The following TMC7 variants were observed in gnomAD, a reference collection of about 807,000 sequenced individuals.
The protein encoded by TMC7 is transmembrane channel like 7, also known as transmembrane channel-like protein 7.
TMC7 carries 54 observed loss-of-function variants against 82.9 expected under a neutral mutation model. The observed-to-expected ratio is 0.65, with a 90% CI of 0.52 to 0.82. The LOEUF is 0.82. Among genes scored for constraint, TMC7 ranks in the 40% least tolerant of loss-of-function variants. The probability of loss-of-function intolerance (pLI) is 0.00; values close to 1 mark genes in which losing one functional copy is unlikely to be tolerated. For synonymous variants in TMC7, 350 were observed against 337.9 expected, an observed-to-expected ratio of 1.04 and a Z score of -0.39; for missense variants, 820 against 901.2, an observed-to-expected ratio of 0.91 and a Z score of 1.15.
rs145708740 is a variant in TMC7, at chr16:19,050,096, G to A, written c.1741-1590G>A. Among the ~76,000 whole-genome samples, 4 of 152,116 alleles carry A rather than the reference G, an allele frequency of 2.6e-5. No homozygotes were observed. The East Asian group carries it at 7.8e-4, about 30-fold the overall frequency. On this transcript the variant is annotated intron_variant, in intron 12 of 15. Coordinates refer to ENST00000304381, the MANE Select transcript of TMC7 (RefSeq NM_024847.4). ...ACTTAAAAAAAACTTAAATGGCCGG[G>A]CCCGGTGGCTCATGCCTGTAATCCC...
At chr16:19,021,926 A>G in intron 4 of TMC7, 130 bp downstream of exon 4, 1 of 1,125,406 alleles carries the variant, frequency 8.9e-7, no homozygotes, top group Non-Finnish European at 1.2e-6. Context: ...GGTCTAGGTT[A>G]TGCTGCAGAA....
At position 19,009,199 on chromosome 16, in the gene TMC7, T is replaced by A; in HGVS notation, c.95T>A (p.Phe32Tyr). ...AACCTCTCTCTAGACTCCAGTTGCT[T>A]CTCTTCTCCACCTGTGAACTTCCTC... ...PENLSLDSSC[F>Y]SSPPVNFLQE... Residue 32 changes from phenylalanine to tyrosine, a missense_variant, in exon 2 of 16, where the codon TTC (phenylalanine) becomes TAC (tyrosine). Around this residue, in one of 2 missense-constraint regions of TMC7, gnomAD observed 650 missense variants for 669.9 expected, o/e 0.97. Coordinates refer to ENST00000304381, the MANE Select transcript of TMC7 (RefSeq NM_024847.4). 6.2e-7 allele frequency: 1 copy of A among 1,614,152 alleles called. No homozygotes were observed.
rs544446089 is a variant in TMC7, at chr16:19,010,521, G to C, written c.311+1106G>C. On this transcript the variant is annotated intron_variant, in intron 2 of 15. Coordinates refer to ENST00000304381, the MANE Select transcript of TMC7 (RefSeq NM_024847.4). ...GTGGGGGACTTTGCAGCCATTCAGG[G>C]ACCCAGGCTCTTTCCATCTTGTGGC... is the stretch of plus-strand genomic sequence containing the variant. Among the ~76,000 whole-genome samples, 5 of 152,242 alleles carry C rather than the reference G, an allele frequency of 3.3e-5. No homozygotes were observed. The East Asian group carries it at 7.7e-4, about 24-fold the overall frequency.
At chr16:19,003,469 C>T (rs1416878188) in intron 1 of TMC7, among the ~76,000 whole-genome samples, 1 of 150,542 alleles carries the variant, frequency 6.6e-6, no homozygotes, top group East Asian at 2.0e-4. Context: ...CGCCTCTGCC[C>T]GGCCGCCCCT....
In TMC7 at chr16:19,062,070, C is replaced by G. The variant is rs984866936; in HGVS notation, c.*227C>G. 1.5e-5 allele frequency: 6 copies of G among 402,616 alleles called. No homozygotes were observed. The highest frequency in any genetic ancestry group is 2.6e-5 in the Non-Finnish European group (6 of 227,744). 24.9% of individuals were successfully genotyped at this position (402,616 alleles called of 1,614,324 possible). On this transcript the variant is annotated 3_prime_UTR_variant, in exon 16 of 16. Coordinates refer to ENST00000304381, the MANE Select transcript of TMC7 (RefSeq NM_024847.4). ...CCCAAGGCTTTGCCTGCAGACCGGC[C>G]ACTCTGTGACAACTCTACCAAAAAC...
intron 1 of TMC7, among the ~76,000 whole-genome samples, chr16:18,997,665 G>A (rs1473443541): frequency 6.6e-6 from 1 of 151,198 alleles, no homozygotes; most frequent in Admixed American, 6.6e-5. Flanking sequence ...CCCAGCCACC[G>A]CACCCGGCCT....
chr16:18,989,866 A>C (rs1028712009), intron 1 of TMC7, among the ~76,000 whole-genome samples: 42 of 151,856 alleles, frequency 2.8e-4, no homozygotes, highest in African/African-American at 9.7e-4. Flanking sequence ...TCTGTCGCCC[A>C]GCCTGAAGTG....
chr16:19,017,651 G>A (rs8050814), intron 3 of TMC7, among the ~76,000 whole-genome samples: 26 of 145,114 alleles, frequency 1.8e-4, no homozygotes, highest in African/African-American at 6.3e-4. Flanking sequence ...TTAAGACCTT[G>A]CCTCTTCAAA....
At chr16:19,010,405 T>A (rs113647590) in intron 2 of TMC7, among the ~76,000 whole-genome samples, 23 of 152,060 alleles carry the variant, frequency 1.5e-4, no homozygotes, top group Admixed American at 5.9e-4. Flanking sequence ...CCGCCCGCCT[T>A]GGCCTCCCAA....
At chr16:19,023,795 C>T (rs1488343378) in intron 5 of TMC7, among the ~76,000 whole-genome samples, 1 of 152,126 alleles carries the variant, frequency 6.6e-6, no homozygotes, top group Non-Finnish European at 1.5e-5. Flanking sequence ...CCGAGGTCCC[C>T]CACAGAAAGA....
intron 12 of TMC7, among the ~76,000 whole-genome samples, chr16:19,048,398 T>C (rs1387828083): frequency 6.6e-6 from 1 of 152,130 alleles, no homozygotes; most frequent in African/African-American, 2.4e-5. Flanking sequence ...CATCTGGGCA[T>C]ATTAACCTCT....
intron 1 of TMC7, among the ~76,000 whole-genome samples, chr16:18,995,146 A>G (rs554206496): frequency 6.6e-6 from 1 of 152,274 alleles, no homozygotes; most frequent in South Asian, 2.1e-4. Context: ...TAAAAGGAGT[A>G]CATTAAAGAA....
chr16:19,004,167 T>G (rs1262492784), intron 1 of TMC7, among the ~76,000 whole-genome samples: 1 of 151,854 alleles, frequency 6.6e-6, no homozygotes, highest in Non-Finnish European at 1.5e-5. Flanking sequence ...AGGGGGTGGA[T>G]CCTAGTTATA....
intron 12 of TMC7, among the ~76,000 whole-genome samples, chr16:19,050,923 G>C (rs1961509395): frequency 6.6e-6 from 1 of 152,032 alleles, no homozygotes; most frequent in Non-Finnish European, 1.5e-5. Context: ...GTCTCTCTCT[G>C]TTGCCCAAGC....
chr16:19,027,362 C>T (rs1266149390), intron 5 of TMC7, among the ~76,000 whole-genome samples: 4 of 151,998 alleles, frequency 2.6e-5, no homozygotes, highest in Admixed American at 6.6e-5. Flanking sequence ...CCACTGTGCC[C>T]GGCCCAGAAC....
intron 8 of TMC7, 79 bp downstream of exon 8, chr16:19,038,126 G>C: frequency 7.2e-7 from 1 of 1,387,146 alleles, no homozygotes; most frequent in Non-Finnish European, 9.9e-7. Flanking sequence ...CGTCATTTCT[G>C]TTTTACATAT....
In TMC7 at chr16:19,023,150, A is replaced by G; in HGVS notation, c.666A>G (p.Gly222=). 6.2e-7 allele frequency: 1 copy of G among 1,610,152 alleles called. No individual in the cohort carries two copies. The highest frequency in any genetic ancestry group is 8.5e-7 in the Non-Finnish European group (1 of 1,177,054). ...CAGTCTATCCAGTAAGCAGTTCTGG[A>G]CTCATTTACTTTTACAGTTATATCA... ...QCTVYPVSSS[G]LIYFYSYIID... is the part of the protein sequence containing the mutation. Residue 222 remains glycine, a synonymous_variant, in exon 5 of 16, where the codon GGA becomes GGG. Transcript: ENST00000304381.
intron 8 of TMC7, among the ~76,000 whole-genome samples, chr16:19,038,705 C>T (rs1001325030): frequency 6.6e-6 from 1 of 151,702 alleles, no homozygotes; most frequent in East Asian, 2.0e-4. Flanking sequence ...TTAGCAGAGA[C>T]GGGGGTTTCA....
chr16:18,985,256 CA>C (rs5816022), intron 1 of TMC7, among the ~76,000 whole-genome samples: 96 of 134,240 alleles, frequency 7.2e-4, no homozygotes, highest in Admixed American at 1.1e-3. Context: ...AAGACTGTTT[CA>C]AAAAAAAAAA....
Sources: allele counts gnomAD v4.1 joint callset (sites outside exome capture counted in the v4.1 genomes callset), GRCh38; gene constraint gnomAD v4.1.1; regional missense constraint gnomAD v4.1.1; transcripts MANE v1.5; gene names NCBI Gene and HGNC (gene_info 2026-07-23, HGNC 2026-07-21).